Variants in REV1 observed in about 807,000 individuals in gnomAD.
The protein encoded by REV1 is translesion synthesis protein REV1.
In REV1, 42 loss-of-function variants were observed where a neutral mutation model predicts 137.4. The ratio of observed to expected loss-of-function variants is 0.31; its 90% confidence interval spans 0.24 to 0.40. The LOEUF is 0.40. Among genes scored for constraint, REV1 ranks in the 10% least tolerant of loss-of-function variants. The pLI, the probability that REV1 is intolerant of heterozygous loss-of-function variation, is 1.00. For synonymous variants in REV1, 524 were observed against 519.2 expected, an observed-to-expected ratio of 1.01 and a Z score of -0.12; for missense variants, 1,282 against 1,490.1, an observed-to-expected ratio of 0.86 and a Z score of 2.30.
At chr2:99,409,311 C>G (rs1676775303) in intron 14 of REV1, among the ~76,000 whole-genome samples, 1 of 152,148 alleles carries the variant, frequency 6.6e-6, no homozygotes, top group South Asian at 2.1e-4. Flanking sequence ...GAGCAGTCGT[C>G]TCACGACTTA....
rs191566290 is a variant in REV1, at chr2:99,431,561, C to T, written c.1439-1613G>A. 4.1e-4 allele frequency among the ~76,000 whole-genome samples: 63 copies of T among 152,218 alleles called. No homozygotes were observed. The Middle Eastern group carries it at 0.014, about 33-fold the overall frequency. ...TTCCAAGGTGTAACCATGAGTTATG[C>T]CTTACAAGTTGGAGAATTACCTGAC... On this transcript the variant is annotated intron_variant, in intron 8 of 22. Coordinates refer to ENST00000258428, the MANE Select transcript of REV1 (RefSeq NM_016316.4).
chr2:99,440,062 A>G (rs1482307352), intron 5 of REV1, among the ~76,000 whole-genome samples: 1 of 152,224 alleles, frequency 6.6e-6, no homozygotes, highest in Non-Finnish European at 1.5e-5. Context: ...GGGAAATTGC[A>G]CTTCATTTCT....
intron 5 of REV1, 72 bp from the exon 6 acceptor site, chr2:99,439,382 T>C (rs1412619403): frequency 9.5e-7 from 1 of 1,053,048 alleles, no homozygotes; most frequent in Admixed American, 2.4e-5. Context: ...CATTTCATCA[T>C]TTTCTTAGTG....
intron 1 of REV1, among the ~76,000 whole-genome samples, chr2:99,481,214 ATT>A (rs1346688830): frequency 6.6e-6 from 1 of 152,266 alleles, no homozygotes; most frequent in Non-Finnish European, 1.5e-5. Flanking sequence ...CTAATGAATA[ATT>A]ACGTACATCT....
chr2:99,473,365 C>CAAAAAAAA (rs10645145), intron 1 of REV1, among the ~76,000 whole-genome samples: 5 of 111,908 alleles, frequency 4.5e-5, no homozygotes, highest in South Asian at 6.1e-4. Context: ...GAGACTGTCT[C>CAAAAAAAA]AAAAAAAAAA....
chr2:99,452,526 A>G (rs1481051842), intron 3 of REV1, among the ~76,000 whole-genome samples: 2 of 152,106 alleles, frequency 1.3e-5, no homozygotes, highest in Non-Finnish European at 2.9e-5. Flanking sequence ...TACAGAACCC[A>G]TCTCTGCAAT....
At chr2:99,451,387 T>G in intron 3 of REV1, 1 of 1,293,780 alleles carries the variant, frequency 7.7e-7, no homozygotes, top group Non-Finnish European at 1.0e-6. Flanking sequence ...CTCCAGAAAT[T>G]TGGAACTGGA....
intron 5 of REV1, among the ~76,000 whole-genome samples, chr2:99,441,074 T>C (rs1320336688): frequency 1.3e-5 from 2 of 152,172 alleles, no homozygotes; most frequent in Admixed American, 1.3e-4. Flanking sequence ...AAAAAACATA[T>C]CTATTTTCTA....
At chr2:99,426,486 T>C (rs1003146256) in intron 9 of REV1, among the ~76,000 whole-genome samples, 2 of 152,222 alleles carry the variant, frequency 1.3e-5, no homozygotes, top group Admixed American at 1.3e-4. Flanking sequence ...CATCTACTTA[T>C]GTACTCATGT....
intron 1 of REV1, among the ~76,000 whole-genome samples, chr2:99,482,256 G>A (rs1686684188): frequency 1.3e-5 from 2 of 152,230 alleles, no homozygotes; most frequent in African/African-American, 2.4e-5. Context: ...AGGATGACAC[G>A]TCCTGAGGAC....
At chr2:99,404,764 A>G (rs746496753) in intron 17 of REV1, 87 bp from the exon 18 acceptor site, 99 of 868,134 alleles carry the variant, frequency 1.1e-4, no homozygotes, top group Non-Finnish European at 1.6e-4. Context: ...TTAAATTTCA[A>G]TTTGAATACT....
At chr2:99,416,770 C>T (rs924044808) in intron 12 of REV1, among the ~76,000 whole-genome samples, 12 of 151,448 alleles carry the variant, frequency 7.9e-5, no homozygotes, top group Admixed American at 2.6e-4. Context: ...AAAAATTAGC[C>T]GGCTGTGTGG....
chr2:99,482,482 G>A (rs530573672), intron 1 of REV1, among the ~76,000 whole-genome samples: 1 of 152,330 alleles, frequency 6.6e-6, no homozygotes, highest in East Asian at 1.9e-4. Context: ...CCTGGAGTTT[G>A]TAGCTAATAT....
chr2:99,456,920 T>G (rs1377276666), intron 3 of REV1, among the ~76,000 whole-genome samples: 1 of 152,220 alleles, frequency 6.6e-6, no homozygotes, highest in Non-Finnish European at 1.5e-5. Context: ...CAGGGTAATC[T>G]TGTTGAGCAA....
intron 5 of REV1, among the ~76,000 whole-genome samples, chr2:99,439,600 C>T (rs1681216257): frequency 6.6e-6 from 1 of 151,988 alleles, no homozygotes; most frequent in South Asian, 2.1e-4. Flanking sequence ...TTTATTTTCA[C>T]TTCAGATAGT....
chr2:99,431,850 T>C (rs781768646), intron 8 of REV1: 21 of 985,224 alleles, frequency 2.1e-5, no homozygotes, highest in Non-Finnish European at 2.4e-5. Flanking sequence ...GAGGGCAAAG[T>C]AGAGAACTGC....
chr2:99,450,320 T>C (rs372314401), intron 3 of REV1, among the ~76,000 whole-genome samples: 2 of 152,332 alleles, frequency 1.3e-5, no homozygotes, highest in East Asian at 3.9e-4. Context: ...AGTCATATTA[T>C]GGCCTGCATT....
chr2:99,421,490 G>C lies in REV1; in HGVS notation c.1831+9C>G. The C allele has an allele frequency of 6.2e-7, 1 of 1,612,392 alleles. No homozygotes were observed. The highest frequency in any genetic ancestry group is 8.5e-7 in the Non-Finnish European group (1 of 1,179,142). The stretch of plus-strand genomic sequence containing the variant: ...ACTCTTTTGAGTACAAGATAAGCTA[G>C]ATACTAACCAATTCCAACAGAGGCA... On this transcript the variant is annotated intron_variant, in intron 11 of 22. Coordinates refer to ENST00000258428, the MANE Select transcript of REV1 (RefSeq NM_016316.4).
In REV1 at chr2:99,450,889, C is replaced by G. The variant is rs570169140; in HGVS notation, c.182-1385G>C. Reference sequence around the variant, plus strand: ...TCAAGTGCTTAACACATGTTACTAGCAGCTACCAAACTGGGCAGTGTCATA... The same window carrying G: ...TCAAGTGCTTAACACATGTTACTAGGAGCTACCAAACTGGGCAGTGTCATA... On this transcript the variant is annotated intron_variant, in intron 3 of 22. Coordinates refer to ENST00000258428, the MANE Select transcript of REV1 (RefSeq NM_016316.4). Among the ~76,000 whole-genome samples, 5 of 152,292 alleles carry G rather than the reference C, an allele frequency of 3.3e-5. No individual in the cohort carries two copies. In the South Asian group the frequency reaches 1.0e-3, roughly 32 times the overall value.
Sources: allele counts gnomAD v4.1 joint callset (sites outside exome capture counted in the v4.1 genomes callset), GRCh38; gene constraint gnomAD v4.1.1; transcripts MANE v1.5; gene names NCBI Gene and HGNC (gene_info 2026-07-23, HGNC 2026-07-21).